ZFAND3: variants seen among roughly 807,000 people sequenced by gnomAD.
The protein encoded by ZFAND3 is zinc finger AN1-type containing 3.
ZFAND3 carries 10 observed loss-of-function variants against 29.6 expected under a neutral mutation model. The observed-to-expected ratio is 0.34, with a 90% CI of 0.21 to 0.57. The LOEUF (loss-of-function observed/expected upper bound fraction) is 0.57, where lower values mean the gene tolerates loss of function less well. Ranked by LOEUF, ZFAND3 falls within the 20% of genes least tolerant of loss-of-function variation. ZFAND3 has a pLI of 0.86. For missense variants in ZFAND3, 230 were observed against 304.5 expected, an observed-to-expected ratio of 0.76 and a Z score of 1.82; for synonymous variants, 128 against 112.6, an observed-to-expected ratio of 1.14 and a Z score of -0.87.
rs894687954 is a variant in ZFAND3 at position 38,154,110 on chromosome 6, G to A, written c.*1721G>A. The A allele has an allele frequency of 2.0e-6, 2 of 985,426 alleles. No homozygotes were observed. The highest frequency in any genetic ancestry group is 3.5e-5 in the African/African-American group (2 of 57,256). 61.0% of individuals were successfully genotyped at this position (985,426 alleles called of 1,614,324 possible). A position where few individuals can be genotyped will look rare whatever the true frequency, so the allele number is the denominator to read the frequency against. ...CGGTGTCTTGCTCTAGGGCAACCCA[G>A]GGCAGAGGGGCCAGGTCTGCCCAGC... On this transcript the variant is annotated 3_prime_UTR_variant, in exon 6 of 6. Transcript: ENST00000287218.
intron 1 of ZFAND3, among the ~76,000 whole-genome samples, chr6:37,906,520 AC>A (rs1464174911): frequency 6.6e-6 from 1 of 152,058 alleles, no homozygotes; most frequent in Non-Finnish European, 1.5e-5. Context: ...TTGTTTGAAC[AC>A]CTATTTTCAC....
chr6:37,857,247 G>A (rs1764400858), intron 1 of ZFAND3, among the ~76,000 whole-genome samples: 1 of 152,078 alleles, frequency 6.6e-6, no homozygotes, highest in Non-Finnish European at 1.5e-5. Context: ...AATCTGATTA[G>A]GATAAATATT....
intron 2 of ZFAND3, among the ~76,000 whole-genome samples, chr6:38,032,514 C>A (rs77476364): frequency 2.3e-4 from 35 of 152,278 alleles, no homozygotes; most frequent in Non-Finnish European, 4.7e-4. Flanking sequence ...AGACATGGAC[C>A]TCATTACCCA....
chr6:38,116,223 A>G (rs1765414943), intron 4 of ZFAND3, among the ~76,000 whole-genome samples: 1 of 152,370 alleles, frequency 6.6e-6, no homozygotes, highest in Admixed American at 6.5e-5. Flanking sequence ...GGCAGTAAGC[A>G]TCTAGGTCCC....
At chr6:37,849,523 G>A (rs74360842) in intron 1 of ZFAND3, among the ~76,000 whole-genome samples, 5 of 151,908 alleles carry the variant, frequency 3.3e-5, no homozygotes, top group Admixed American at 2.6e-4. Context: ...ATTCTCCTGC[G>A]TCAGCCTCCT....
rs188266999 is a variant in ZFAND3 at position 37,894,359 on chromosome 6, G to A, written c.72-35600G>A. Among the ~76,000 whole-genome samples, 243 of 151,218 alleles carry A rather than the reference G, an allele frequency of 1.6e-3. 1 individual carries two copies. The highest frequency in any genetic ancestry group is 5.7e-3 in the African/African-American group (235 of 41,070). On this transcript the variant is annotated intron_variant, in intron 1 of 5. Transcript: ENST00000287218. ...TATTTTCATTTGGTATAATTCTCCT[G>A]CTCCTTGAAATCCTTCCTTTCCTTT...
chr6:37,901,745 T>C (rs977512069), intron 1 of ZFAND3, among the ~76,000 whole-genome samples: 2 of 152,180 alleles, frequency 1.3e-5, no homozygotes, highest in African/African-American at 4.8e-5. Flanking sequence ...AGCAGTGAGG[T>C]TGAGTGAAGG....
chr6:37,938,440 A>AG (rs2127416059), intron 2 of ZFAND3, among the ~76,000 whole-genome samples: 1 of 152,306 alleles, frequency 6.6e-6, no homozygotes, highest in African/African-American at 2.4e-5. Flanking sequence ...AGTCCCCTGT[A>AG]GAGGGACATT....
chr6:38,091,516 G>A (rs1205637356), intron 4 of ZFAND3, among the ~76,000 whole-genome samples: 9 of 128,690 alleles, frequency 7.0e-5, no homozygotes, highest in Non-Finnish European at 1.3e-4. Context: ...GGGTGTATAG[G>A]TCTGGGGAGT....
At chr6:38,096,729 CAG>C (rs1764988124) in intron 4 of ZFAND3, among the ~76,000 whole-genome samples, 1 of 152,056 alleles carries the variant, frequency 6.6e-6, no homozygotes, top group African/African-American at 2.4e-5. Flanking sequence ...ATTCTTTTCT[CAG>C]AGTCTTCATT....
chr6:38,032,397 C>G (rs1437275557), intron 2 of ZFAND3, among the ~76,000 whole-genome samples: 1 of 152,126 alleles, frequency 6.6e-6, no homozygotes, highest in African/African-American at 2.4e-5. Flanking sequence ...ACATTTTTGT[C>G]AAGTCTTTGA....
chr6:38,081,091 C>T (rs566124644), intron 3 of ZFAND3, among the ~76,000 whole-genome samples: 16 of 152,120 alleles, frequency 1.1e-4, no homozygotes, highest in African/African-American at 2.9e-4. Context: ...CTTTGGCACT[C>T]GGCCACTTTC....
chr6:37,954,931 T>G (rs1308367703), intron 2 of ZFAND3, among the ~76,000 whole-genome samples: 1 of 152,236 alleles, frequency 6.6e-6, no homozygotes, highest in African/African-American at 2.4e-5. Context: ...TTCCCTGGCC[T>G]TGTGTGAGCA....
At chr6:37,949,419 G>C (rs57806951) in intron 2 of ZFAND3, among the ~76,000 whole-genome samples, 1 of 123,832 alleles carries the variant, frequency 8.1e-6, no homozygotes, top group Non-Finnish European at 1.7e-5. Flanking sequence ...AATGTGTGTG[G>C]GGGGGTCTCT....
At chr6:37,914,750 C>CTCGG (rs1761207248) in intron 1 of ZFAND3, among the ~76,000 whole-genome samples, 1 of 146,576 alleles carries the variant, frequency 6.8e-6, no homozygotes, top group Non-Finnish European at 1.5e-5. Flanking sequence ...ATCTGCCTGC[C>CTCGG]TCGGCCTCCC....
chr6:37,943,602 A>G (rs1761849783), intron 2 of ZFAND3, among the ~76,000 whole-genome samples: 1 of 152,176 alleles, frequency 6.6e-6, no homozygotes, highest in African/African-American at 2.4e-5. Context: ...TGGCAACTGA[A>G]AGCTGGGTTA....
chr6:37,936,854 A>G (rs1334036473), intron 2 of ZFAND3, among the ~76,000 whole-genome samples: 1 of 152,198 alleles, frequency 6.6e-6, no homozygotes, highest in African/African-American at 2.4e-5. Context: ...CGCCTGCAGC[A>G]TTGGGAATCT....
intron 1 of ZFAND3, among the ~76,000 whole-genome samples, chr6:37,836,881 A>T (rs1763978150): frequency 6.6e-6 from 1 of 152,184 alleles, no homozygotes; most frequent in Admixed American, 6.5e-5. Context: ...TATTTGACTT[A>T]ATTTTATAGA....
intron 2 of ZFAND3, among the ~76,000 whole-genome samples, chr6:38,001,036 A>C (rs1762938791): frequency 6.6e-6 from 1 of 152,210 alleles, no homozygotes; most frequent in African/African-American, 2.4e-5. Context: ...AGTTCGCTCT[A>C]ATCACACTTG....
Sources: allele counts gnomAD v4.1 joint callset (sites outside exome capture counted in the v4.1 genomes callset), GRCh38; gene constraint gnomAD v4.1.1; transcripts MANE v1.5; gene names NCBI Gene and HGNC (gene_info 2026-07-23, HGNC 2026-07-21).